Variants in ABCC4 observed in about 807,000 individuals in gnomAD.
The protein encoded by ABCC4 is ATP binding cassette subfamily C member 4 (PEL blood group).
A neutral mutation model predicts 168.5 loss-of-function variants in ABCC4; 102 were observed. That is an observed-to-expected ratio of 0.61 (90% CI 0.52 to 0.71). The LOEUF (loss-of-function observed/expected upper bound fraction) is 0.71, where lower values mean the gene tolerates loss of function less well. Ranked by LOEUF, ABCC4 falls within the 30% of genes least tolerant of loss-of-function variation. The pLI, the probability that ABCC4 is intolerant of heterozygous loss-of-function variation, is 0.00. For synonymous variants in ABCC4, 617 were observed against 590.7 expected, an observed-to-expected ratio of 1.04 and a Z score of -0.65; for missense variants, 1,402 against 1,605.8, an observed-to-expected ratio of 0.87 and a Z score of 2.17.
rs779124863 is a variant in ABCC4, at chr13:95,164,509, C to A, written c.2044G>T (p.Val682Phe). The change falls in exon 16 of 31, where the codon GTC (valine) becomes TTC (phenylalanine). Residue 682 changes from valine (V) to phenylalanine (F), a missense_variant. By Grantham distance (50) the Val-to-Phe change is conservative. Around this residue, in one of 3 missense-constraint regions of ABCC4, gnomAD observed 1,007 missense variants for 1,127.3 expected, o/e 0.89. Transcript: ENST00000645237. ...TTCTCCTCTGATAGTGTAACTGGGA[C>A]ATTCTCTGTCTGCAGAGGAAAAAAG... ...GALESQDTEN[V>F]PVTLSEENRS... The A allele has an allele frequency of 2.5e-6, 4 of 1,614,070 alleles. No homozygotes were observed. The Admixed American group carries it at 6.7e-5, about 27-fold the overall frequency.
At chr13:95,075,590 G>T (rs1436181655) in intron 21 of ABCC4, 39 bp from the exon 22 acceptor site, 3 of 1,611,786 alleles carry the variant, frequency 1.9e-6, no homozygotes, top group Non-Finnish European at 2.5e-6. Flanking sequence ...AGTGAGGCTG[G>T]GTGCAGAAAA....
chr13:95,130,176 A>G (rs1270424620), intron 19 of ABCC4, among the ~76,000 whole-genome samples: 1 of 152,178 alleles, frequency 6.6e-6, no homozygotes, highest in Non-Finnish European at 1.5e-5. Context: ...GGAAATAAAG[A>G]TCGACTTTTA....
intron 20 of ABCC4, among the ~76,000 whole-genome samples, chr13:95,110,195 G>A (rs2035155186): frequency 6.6e-6 from 1 of 151,658 alleles, no homozygotes; most frequent in Non-Finnish European, 1.5e-5. Flanking sequence ...TGTAATCTCA[G>A]CTACTCGGGA....
intron 30 of ABCC4, among the ~76,000 whole-genome samples, chr13:95,025,624 AG>A (rs1170754834): frequency 6.6e-6 from 1 of 151,244 alleles, no homozygotes; most frequent in Non-Finnish European, 1.5e-5. Context: ...TATCTGGTCT[AG>A]GAAGAGTTCG....
chr13:95,282,544 A>T (rs565471127), intron 1 of ABCC4, among the ~76,000 whole-genome samples: 11 of 151,340 alleles, frequency 7.3e-5, no homozygotes, highest in Middle Eastern at 3.4e-3. Flanking sequence ...TTTATTTTTT[A>T]TTTTTTTTGA....
chr13:95,047,476 C>CTTTTTTTTTTTTTTT (rs71111586), intron 27 of ABCC4, among the ~76,000 whole-genome samples: 5 of 83,368 alleles, frequency 6.0e-5, no homozygotes, highest in Non-Finnish European at 8.5e-5. Context: ...ACTGCCTATT[C>CTTTTTTTTTTTTTTT]TTTTTTTTTT....
intron 8 of ABCC4, among the ~76,000 whole-genome samples, chr13:95,201,351 C>T (rs1225651277): frequency 6.6e-6 from 1 of 152,188 alleles, no homozygotes; most frequent in Non-Finnish European, 1.5e-5. Flanking sequence ...AAATCGTCTG[C>T]AGGATCCCTT....
chr13:95,174,589 A>C (rs542239298), intron 13 of ABCC4, among the ~76,000 whole-genome samples: 1 of 152,334 alleles, frequency 6.6e-6, no homozygotes, highest in African/African-American at 2.4e-5. Context: ...CTTTATAAAT[A>C]CCTCCTGTGT....
At chr13:95,166,675 A>G (rs2037283859) in intron 14 of ABCC4, among the ~76,000 whole-genome samples, 1 of 152,236 alleles carries the variant, frequency 6.6e-6, no homozygotes, top group African/African-American at 2.4e-5. Context: ...AAACTGTGAT[A>G]AACCTTATGC....
chr13:95,183,104 G>A (rs976315290), intron 11 of ABCC4, among the ~76,000 whole-genome samples: 1 of 146,572 alleles, frequency 6.8e-6, no homozygotes, highest in African/African-American at 2.5e-5. Flanking sequence ...GGGGGAGGGT[G>A]GCCAGGAGGG....
chr13:95,247,538 TA>T, intron 2 of ABCC4, 104 bp downstream of exon 2: 1 of 826,868 alleles, frequency 1.2e-6, no homozygotes, highest in Non-Finnish European at 2.0e-6. Flanking sequence ...ATATTCACCT[TA>T]AGGGTAAACG....
At chr13:95,132,389 T>C (rs1378015413) in intron 19 of ABCC4, among the ~76,000 whole-genome samples, 2 of 152,116 alleles carry the variant, frequency 1.3e-5, no homozygotes, top group South Asian at 2.1e-4. Context: ...CTAATTTTTG[T>C]ATTTTTAGTA....
At chr13:95,095,525 T>C (rs2034565627) in intron 20 of ABCC4, among the ~76,000 whole-genome samples, 1 of 152,002 alleles carries the variant, frequency 6.6e-6, no homozygotes. Flanking sequence ...ACAATGGACT[T>C]TGGGGGTTTA....
Position 95,021,572 on chromosome 13 carries a change from G to C in ABCC4, c.*3C>G. The C allele has an allele frequency of 6.3e-7, 1 of 1,595,618 alleles. No homozygotes were observed. ...CGGAACGGACTTGACATTTTGGTTG[G>C]ATTCACAGTGCTGTCTCGAAAATAG... is the stretch of plus-strand genomic sequence containing the variant. On this transcript the variant is annotated 3_prime_UTR_variant, in exon 31 of 31. Transcript: ENST00000645237.
At chr13:95,235,782 G>GC (rs759857482) in intron 3 of ABCC4, among the ~76,000 whole-genome samples, 15 of 152,222 alleles carry the variant, frequency 9.9e-5, no homozygotes, top group Admixed American at 2.0e-4. Flanking sequence ...GTATGTTTCT[G>GC]CCCCCTACAA....
chr13:95,185,018 A>G (rs989570295), intron 11 of ABCC4, among the ~76,000 whole-genome samples: 1 of 152,242 alleles, frequency 6.6e-6, no homozygotes, highest in African/African-American at 2.4e-5. Flanking sequence ...AGCAGGGGAC[A>G]GTGGGGGGAC....
intron 29 of ABCC4, 114 bp from the exon 30 acceptor site, chr13:95,034,853 A>G (rs1413364142): frequency 3.5e-6 from 5 of 1,433,228 alleles, no homozygotes; most frequent in Non-Finnish European, 4.8e-6. Context: ...TTTGGGTGGT[A>G]GGCCTGGATA....
At chr13:95,290,705 C>CAAA (rs55933951) in intron 1 of ABCC4, among the ~76,000 whole-genome samples, 1 of 56,046 alleles carries the variant, frequency 1.8e-5, no homozygotes, top group African/African-American at 7.6e-5. Context: ...AACTCTGTCT[C>CAAA]AAAAAAAAAA....
At chr13:95,075,184 C>A in intron 22 of ABCC4, 1 of 486,368 alleles carries the variant, frequency 2.1e-6, no homozygotes, top group Non-Finnish European at 3.7e-6. Flanking sequence ...GAGCCACAGG[C>A]CATGCATGGT....
Sources: allele counts gnomAD v4.1 joint callset (sites outside exome capture counted in the v4.1 genomes callset), GRCh38; gene constraint gnomAD v4.1.1; regional missense constraint gnomAD v4.1.1; transcripts MANE v1.5; gene names NCBI Gene and HGNC (gene_info 2026-07-23, HGNC 2026-07-21).